MTMR4: variants seen among roughly 807,000 people sequenced by gnomAD.
MTMR4 encodes phosphatidylinositol-3,5-bisphosphate 3-phosphatase MTMR4.
A neutral mutation model predicts 125.5 loss-of-function variants in MTMR4; 30 were observed. The ratio of observed to expected loss-of-function variants is 0.24; its 90% CI spans 0.18 to 0.32. The LOEUF is 0.32. Ranked by LOEUF, MTMR4 falls within the 10% of genes least tolerant of loss-of-function variation. MTMR4 has a pLI of 1.00. For missense variants in MTMR4, 1,039 were observed against 1,511.5 expected, an observed-to-expected ratio of 0.69 and a Z score of 5.18; for synonymous variants, 498 against 564.5, an observed-to-expected ratio of 0.88 and a Z score of 1.67.
At chr17:58,501,534 T>C (rs1468908075) in intron 14 of MTMR4, among the ~76,000 whole-genome samples, 2 of 151,836 alleles carry the variant, frequency 1.3e-5, no homozygotes, top group Non-Finnish European at 2.9e-5. Flanking sequence ...AAATTTGAGA[T>C]ATATATACAC....
At chr17:58,500,734 C>T (rs139552693) in intron 14 of MTMR4, among the ~76,000 whole-genome samples, 2,826 of 113,792 alleles carry the variant, frequency 0.025, 101 homozygotes, top group African/African-American at 0.094. Context: ...GGTGACAGAG[C>T]GAGATTCTGT....
At chr17:58,496,683 T>A (rs1166294272) in intron 14 of MTMR4, among the ~76,000 whole-genome samples, 1 of 152,222 alleles carries the variant, frequency 6.6e-6, no homozygotes, top group Non-Finnish European at 1.5e-5. Context: ...GCTAGGACTA[T>A]ACCTGAGACT....
At chr17:58,513,095 T>C (rs1363450087) in intron 1 of MTMR4, among the ~76,000 whole-genome samples, 154 bp from the exon 2 acceptor site, 1 of 151,954 alleles carries the variant, frequency 6.6e-6, no homozygotes, top group African/African-American at 2.4e-5. Context: ...CTGACTTGGT[T>C]GGAGACAGGG....
In MTMR4 at chr17:58,514,507, T is replaced by G; in HGVS notation, c.-100A>C. 1 of 985,092 alleles carries G rather than the reference T, an allele frequency of 1.0e-6. No individual in the cohort carries two copies. Among genetic ancestry groups the G allele is most frequent in the Non-Finnish European group, 1.2e-6 (1 of 829,888 alleles). The allele number at this position is 985,092 out of a possible 1,614,324, so 61.0% of individuals were successfully genotyped here. ...CATCCCGGCTGCGGGGCTCGCCAGGTGCAGCCGCGGCGGCCAAGAGGCTAG... is the reference window on the plus strand; with the variant it reads ...CATCCCGGCTGCGGGGCTCGCCAGGGGCAGCCGCGGCGGCCAAGAGGCTAG... On this transcript the variant is annotated 5_prime_UTR_variant, in exon 1 of 18. Coordinates refer to ENST00000682306, the MANE Select transcript of MTMR4 (RefSeq NM_001378067.1).
At chr17:58,501,669 T>A (rs1469779193) in intron 14 of MTMR4, among the ~76,000 whole-genome samples, 1 of 151,406 alleles carries the variant, frequency 6.6e-6, no homozygotes, top group Non-Finnish European at 1.5e-5. Context: ...TATACATATA[T>A]GTGTATATAT....
chr17:58,512,452 C>T lies in MTMR4; in HGVS notation c.190G>A (p.Asp64Asn), dbSNP rs760845399. The T allele has an allele frequency of 1.9e-6, 3 of 1,614,158 alleles. No individual in the cohort carries two copies. Among genetic ancestry groups the T allele is most frequent in the Admixed American group, 1.7e-5 (1 of 60,032 alleles). The change falls in exon 3 of 18, where the codon GAT becomes AAT. Residue 64 changes from aspartate to asparagine, a missense_variant. By Grantham distance (23) the Asp-to-Asn change is conservative. Coordinates refer to ENST00000682306, the MANE Select transcript of MTMR4 (RefSeq NM_001378067.1). The surrounding 1 kb of genome is among the most constrained non-coding windows in gnomAD (Gnocchi z 4.1). ...EGVEFLGRAADALIAISNYRL... is the reference protein window; with the variant it reads ...EGVEFLGRAANALIAISNYRL... ...TAGTTAGAGATGGCAATGAGGGCAT[C>T]GGCTGCCCGGCCCAGGAACTCTACT...
Position 58,495,738 on chromosome 17 carries a change from G to A in MTMR4, c.2446C>T (p.Pro816Ser). The change falls in exon 15 of 18, where the codon CCC (proline) becomes TCC (serine). Residue 816 changes from proline to serine, a missense_variant. By Grantham distance (74) the Pro-to-Ser change is moderately conservative (BLOSUM62 -1). Transcript: ENST00000682306. ...QAQPDSMLGV[P>S]SKCVLDHSLS... ...CTGTGATCAAGAACACACTTGGAGGGCACACCTAGCATGGAGTCTGGCTGG... is the reference window on the plus strand; with the variant it reads ...CTGTGATCAAGAACACACTTGGAGGACACACCTAGCATGGAGTCTGGCTGG... 1 of 1,614,122 alleles carries A rather than the reference G, an allele frequency of 6.2e-7. No homozygotes were observed. The highest frequency in any genetic ancestry group is 8.5e-7 in the Non-Finnish European group (1 of 1,180,032).
upstream of MTMR4, chr17:58,514,945 C>T: frequency 1.1e-6 from 1 of 930,592 alleles, no homozygotes; most frequent in Non-Finnish European, 1.3e-6. Context: ...AGCTCACCTA[C>T]CCGCACCCCA....
At chr17:58,503,103 C>T (rs1031389929) in intron 14 of MTMR4, among the ~76,000 whole-genome samples, 1 of 152,214 alleles carries the variant, frequency 6.6e-6, no homozygotes, top group Non-Finnish European at 1.5e-5. Flanking sequence ...ACTAATATAG[C>T]AAGCTCCCCA....
chr17:58,507,007 AC>A, intron 8 of MTMR4, 115 bp downstream of exon 8: 1 of 1,547,168 alleles, frequency 6.5e-7, no homozygotes, highest in South Asian at 1.1e-5. Context: ...CAAGGCAGGG[AC>A]CCCAGCACCC....
In MTMR4 at chr17:58,495,407, C is replaced by G; in HGVS notation, c.2777G>C (p.Gly926Ala). ...FLGSNWDSFQ[G>A]MVTSFPSGEA... ...CCCACTTGGGAATGAAGTCACCATCCCTTGGAAGCTGTCCCAGTTGGACCC... is the reference window on the plus strand; with the variant it reads ...CCCACTTGGGAATGAAGTCACCATCGCTTGGAAGCTGTCCCAGTTGGACCC... Residue 926 changes from glycine to alanine, a missense_variant, in exon 15 of 18, where the codon GGG becomes GCG. Gly to Ala is a moderately conservative substitution (Grantham distance 60). Coordinates refer to ENST00000682306, the MANE Select transcript of MTMR4 (RefSeq NM_001378067.1). 1 of 1,614,216 alleles carries G rather than the reference C, an allele frequency of 6.2e-7. No individual in the cohort carries two copies. The highest frequency in any genetic ancestry group is 8.5e-7 in the Non-Finnish European group (1 of 1,180,038).
intron 1 of MTMR4, 107 bp from the exon 2 acceptor site, chr17:58,513,048 T>C: frequency 1.3e-6 from 1 of 788,648 alleles, no homozygotes; most frequent in Admixed American, 2.4e-5. Flanking sequence ...CACACACACC[T>C]CTAAAGGTTC....
chr17:58,506,247 A>T (rs1176345671), intron 9 of MTMR4, among the ~76,000 whole-genome samples: 2 of 152,168 alleles, frequency 1.3e-5, no homozygotes, highest in Non-Finnish European at 2.9e-5. Flanking sequence ...CAGTGGCATG[A>T]TATCAGCTCA....
intron 17 of MTMR4, 115 bp from the exon 18 acceptor site, chr17:58,491,955 G>A: frequency 1.2e-6 from 1 of 849,214 alleles, no homozygotes; most frequent in South Asian, 2.5e-5. Context: ...AGAATCGCTT[G>A]AGGCCAGGAG....
At chr17:58,502,250 C>G (rs1335161422) in intron 14 of MTMR4, among the ~76,000 whole-genome samples, 1 of 150,620 alleles carries the variant, frequency 6.6e-6, no homozygotes, top group African/African-American at 2.4e-5. Context: ...TCCACCCCCC[C>G]AGATTCAAGC....
Position 58,491,177 on chromosome 17 carries a change from A to C in MTMR4, c.*486T>G, listed in dbSNP as rs1486388222. The C allele has an allele frequency of 6.5e-6, 1 of 152,784 alleles. No individual in the cohort carries two copies. Among genetic ancestry groups the C allele is most frequent in the Non-Finnish European group, 1.5e-5 (1 of 68,134 alleles). The allele number at this position is 152,784 out of a possible 1,614,324, so 9.5% of individuals were successfully genotyped here. On this transcript the variant is annotated 3_prime_UTR_variant, in exon 18 of 18. Transcript: ENST00000682306. ...GAGTGCCTCTAAAGGCTGAGCCTTCATGCAGACACAGAGCACAGAGGTACA... is the reference window on the plus strand; with the variant it reads ...GAGTGCCTCTAAAGGCTGAGCCTTCCTGCAGACACAGAGCACAGAGGTACA...
At chr17:58,506,971 GACCCCTCAT>G (rs1975793042) in intron 8 of MTMR4, 100 bp from the exon 9 acceptor site, 2 of 1,554,880 alleles carry the variant, frequency 1.3e-6, no homozygotes, top group Admixed American at 3.6e-5. Context: ...TGCAACTAGA[GACCCCTCAT>G]ACCCCACAGC....
chr17:58,493,211 G>C (rs976913915), intron 15 of MTMR4, among the ~76,000 whole-genome samples: 1 of 152,270 alleles, frequency 6.6e-6, no homozygotes, highest in Non-Finnish European at 1.5e-5. Context: ...CTACACCACA[G>C]CATAGAAAGA....
chr17:58,517,549 G>GGGAA (rs2042034570), upstream of MTMR4, among the ~76,000 whole-genome samples: 1 of 152,244 alleles, frequency 6.6e-6, no homozygotes. Context: ...AGCAGCCCCA[G>GGGAA]GGAAGGAAGG....
Sources: allele counts gnomAD v4.1 joint callset (sites outside exome capture counted in the v4.1 genomes callset), GRCh38; gene constraint gnomAD v4.1.1; non-coding constraint Gnocchi (gnomAD v3.1); transcripts MANE v1.5; gene names NCBI Gene and HGNC (gene_info 2026-07-23, HGNC 2026-07-21).